The following PPARGC1A variants were observed in gnomAD, a reference collection of about 807,000 sequenced individuals.
The protein encoded by PPARGC1A is peroxisome proliferator-activated receptor gamma coactivator 1-alpha.
PPARGC1A carries 25 observed loss-of-function variants against 88.7 expected under a neutral mutation model. The observed-to-expected ratio is 0.28, with a 90% CI of 0.21 to 0.39. The LOEUF (loss-of-function observed/expected upper bound fraction) is 0.39. Among genes scored for constraint, PPARGC1A ranks in the 10% least tolerant of loss-of-function variants. The pLI, the probability that PPARGC1A is intolerant of heterozygous loss-of-function variation, is 1.00. For missense variants in PPARGC1A, 880 were observed against 968.7 expected, an observed-to-expected ratio of 0.91 and a Z score of 1.22; for synonymous variants, 363 against 355.6, an observed-to-expected ratio of 1.02 and a Z score of -0.24.
the PPARGC1A span, among the ~76,000 whole-genome samples, chr4:24,008,004 A>T: frequency 6.6e-6 from 1 of 152,138 alleles, no homozygotes; most frequent in East Asian, 1.9e-4. Context: ...TGGGAGCAAT[A>T]CCCAGAGAAT....
chr4:23,891,792 A>C (rs1188056916), upstream of PPARGC1A, among the ~76,000 whole-genome samples: 1 of 152,230 alleles, frequency 6.6e-6, no homozygotes, highest in Admixed American at 6.5e-5. Flanking sequence ...ATGAAAGAAC[A>C]GGAAAATACA....
At chr4:23,913,379 G>A in the PPARGC1A span, among the ~76,000 whole-genome samples, 1 of 149,674 alleles carries the variant, frequency 6.7e-6, no homozygotes, top group Admixed American at 6.7e-5. Context: ...TCTCTATATG[G>A]CAGGAGTGAT....
the PPARGC1A span, among the ~76,000 whole-genome samples, chr4:24,374,452 G>A: frequency 6.6e-6 from 1 of 151,882 alleles, no homozygotes; most frequent in Non-Finnish European, 1.5e-5. Flanking sequence ...CAACTAAGGA[G>A]TTCTAGGCTT....
At chr4:24,329,529 C>G in the PPARGC1A span, among the ~76,000 whole-genome samples, 7 of 152,200 alleles carry the variant, frequency 4.6e-5, no homozygotes, top group Admixed American at 4.6e-4. Context: ...TGTGCTGCGC[C>G]CTCCCCCTGG....
At chr4:24,415,049 G>A in the PPARGC1A span, among the ~76,000 whole-genome samples, 1 of 152,056 alleles carries the variant, frequency 6.6e-6, no homozygotes, top group Non-Finnish European at 1.5e-5. Context: ...AATTAGCTGA[G>A]TGCAGTGGCA....
At chr4:23,851,621 TGA>T (rs141710408) in intron 2 of PPARGC1A, among the ~76,000 whole-genome samples, 3,551 of 152,282 alleles carry the variant, frequency 0.023, 86 homozygotes, top group African/African-American at 0.062. Flanking sequence ...TAACCTGTGT[TGA>T]GTCTTGTGCT....
At chr4:24,329,868 C>T in the PPARGC1A span, among the ~76,000 whole-genome samples, 1 of 152,006 alleles carries the variant, frequency 6.6e-6, no homozygotes, top group Non-Finnish European at 1.5e-5. Context: ...CCCAGTAAAA[C>T]AAAATCTTCA....
rs183966012 is a variant in PPARGC1A, at chr4:23,881,021, C to T, written c.234+3731G>A. ...AAAATAAACCAGGGACAAGGTTGCC[C>T]ACAGTGACCCAGAAAGGCCAATATG... is the stretch of plus-strand genomic sequence containing the variant. On this transcript the variant is annotated intron_variant, in intron 2 of 12. Transcript: ENST00000264867. The T allele has an allele frequency of 3.9e-4, 60 of 152,286 alleles. 1 individual carries two copies. The highest frequency in any genetic ancestry group is 1.3e-3 in the African/African-American group (52 of 41,548). 9.4% of individuals were successfully genotyped at this position (152,286 alleles called of 1,614,324 possible). A position where few individuals can be genotyped will look rare whatever the true frequency, so the allele number is the denominator to read the frequency against.
In PPARGC1A at chr4:23,829,544, A is replaced by G; in HGVS notation, c.471T>C (p.Ser157=). ...TACTGAGACCACTGCATTCATTATA[A>G]CTTAGCTGAGTGTTGGCTGGTGCCA... ...LLLAPANTQL[S]YNECSGLSTQ... Residue 157 remains serine (S), a synonymous_variant, in exon 4 of 13, where the codon AGT becomes AGC. Coordinates refer to ENST00000264867, the MANE Select transcript of PPARGC1A (RefSeq NM_013261.5). 6.2e-7 allele frequency: 1 copy of G among 1,613,434 alleles called. No homozygotes were observed. The highest frequency in any genetic ancestry group is 1.1e-5 in the South Asian group (1 of 91,010).
chr4:24,344,501 T>A, the PPARGC1A span, among the ~76,000 whole-genome samples: 1 of 152,134 alleles, frequency 6.6e-6, no homozygotes, highest in Non-Finnish European at 1.5e-5. Flanking sequence ...TGATCATTAG[T>A]GTTGTTGAGC....
chr4:23,874,497 A>AT (rs1281389031), intron 2 of PPARGC1A, among the ~76,000 whole-genome samples: 1 of 151,972 alleles, frequency 6.6e-6, no homozygotes, highest in Admixed American at 6.6e-5. Context: ...GGGCCAAGAC[A>AT]TTTGTCTATT....
the PPARGC1A span, among the ~76,000 whole-genome samples, chr4:24,333,404 C>A: frequency 6.6e-6 from 1 of 152,160 alleles, no homozygotes; most frequent in Non-Finnish European, 1.5e-5. Flanking sequence ...TCACAAATGA[C>A]TATTACCTGT....
At chr4:23,796,127 G>C (rs1412795740) in intron 12 of PPARGC1A, among the ~76,000 whole-genome samples, 4 of 152,038 alleles carry the variant, frequency 2.6e-5, no homozygotes, top group Admixed American at 1.3e-4. Flanking sequence ...CGCACCTGTT[G>C]ACTCGTTTAG....
chr4:24,258,625 A>G, the PPARGC1A span, among the ~76,000 whole-genome samples: 3 of 152,222 alleles, frequency 2.0e-5, no homozygotes, highest in African/African-American at 7.2e-5. Context: ...AAAAAATTAG[A>G]TTGACAAAAT....
the PPARGC1A span, among the ~76,000 whole-genome samples, chr4:24,175,344 G>A: frequency 7.3e-5 from 11 of 150,386 alleles, no homozygotes; most frequent in African/African-American, 2.7e-4. Flanking sequence ...GATTTCTGGC[G>A]GGTTTTTGTT....
At chr4:24,069,173 G>C in the PPARGC1A span, among the ~76,000 whole-genome samples, 1 of 152,210 alleles carries the variant, frequency 6.6e-6, no homozygotes, top group Admixed American at 6.5e-5. Context: ...TCAGGGTCTT[G>C]CATATAGTCA....
At chr4:24,102,184 A>C in the PPARGC1A span, among the ~76,000 whole-genome samples, 1 of 152,226 alleles carries the variant, frequency 6.6e-6, no homozygotes, top group Non-Finnish European at 1.5e-5. Context: ...TGCCACTAAA[A>C]CAAGAGTATC....
chr4:23,999,557 C>G, the PPARGC1A span, among the ~76,000 whole-genome samples: 1 of 152,062 alleles, frequency 6.6e-6, no homozygotes, highest in Admixed American at 6.6e-5. Context: ...GACGAAGAAA[C>G]AAGAATGGAG....
chr4:24,136,594 C>A, the PPARGC1A span, among the ~76,000 whole-genome samples: 2 of 152,142 alleles, frequency 1.3e-5, no homozygotes, highest in African/African-American at 4.8e-5. Flanking sequence ...AAACAGAGCA[C>A]GAAATGTGGA....
Sources: gnomAD v4.1 joint callset for allele counts (sites outside exome capture counted in the v4.1 genomes callset) on GRCh38, gnomAD v4.1.1 for gene constraint, MANE v1.5 for transcripts, NCBI Gene and HGNC (gene_info 2026-07-23, HGNC 2026-07-21) for gene names.